The following PXDN variants were observed in gnomAD, a reference collection of about 807,000 sequenced individuals.
PXDN encodes the protein peroxidasin homolog.
PXDN carries 77 observed loss-of-function variants against 140.3 expected under a neutral mutation model. That is an observed-to-expected ratio of 0.55 (90% CI 0.46 to 0.66). PXDN has a LOEUF of 0.66. Ranked by LOEUF, PXDN falls within the 30% of genes least tolerant of loss-of-function variation. The pLI, the probability that PXDN is intolerant of heterozygous loss-of-function variation, is 0.00. For missense variants in PXDN, 1,838 were observed against 2,039.5 expected (o/e 0.90, Z 1.90); for synonymous variants, 911 against 857.4 (o/e 1.06, Z -1.09).
intron 1 of PXDN, among the ~76,000 whole-genome samples, chr2:1,710,577 C>T (rs1684731247): frequency 6.9e-6 from 1 of 144,710 alleles, no homozygotes; most frequent in East Asian, 2.1e-4. Context: ...GCACCCTCTC[C>T]ACTAGCACCC....
rs552009103 is a variant in PXDN, at chr2:1,649,725, T to G, written c.2105-50A>C. On this transcript the variant is annotated intron_variant, in intron 16 of 22. Coordinates refer to ENST00000252804, the MANE Select transcript of PXDN (RefSeq NM_012293.3). This position sits in a 1 kb window ranked among gnomAD's most constrained non-coding sequence, Gnocchi z 7.1. ...GCACTCAATTCCCCTGGAGGATGTG[T>G]GAGGGCCCGGTACCCCTTGGCACCT... 1 of 1,596,800 alleles carries G rather than the reference T, an allele frequency of 6.3e-7. No homozygotes were observed. Among genetic ancestry groups the G allele is most frequent in the Admixed American group, 1.7e-5 (1 of 59,820 alleles).
rs764019988 is a variant in PXDN, at chr2:1,679,259, GGTGT to G, written c.730+930_730+933del. On this transcript the variant is annotated intron_variant, in intron 7 of 22. Transcript: ENST00000252804. The stretch of plus-strand genomic sequence containing the variant: ...GTGTGTAGATGGCATGTGCGTGTGT[GGTGT>G]GTGTGTGGATTGTATGTGCATGTGT... 4.1e-5 allele frequency among the ~76,000 whole-genome samples: 6 copies of G among 147,724 alleles called. 1 individual carries two copies. The highest frequency in any genetic ancestry group is 1.3e-4 in the African/African-American group (5 of 39,906).
rs1682971910 is a variant in PXDN at position 1,649,775 on chromosome 2, C to A, written c.2105-100G>T. 1.5e-6 allele frequency: 2 copies of A among 1,345,616 alleles called. No individual in the cohort carries two copies. Among genetic ancestry groups the A allele is most frequent in the Non-Finnish European group, 1.0e-6 (1 of 953,344 alleles). The allele number at this position is 1,345,616 out of a possible 1,614,324, so 83.4% of individuals were successfully genotyped here. A position where few individuals can be genotyped will look rare whatever the true frequency, so the allele number is the denominator to read the frequency against. The stretch of plus-strand genomic sequence containing the variant: ...TCTGCCGCTGACATGGGGCTATCTA[C>A]CCCCAGCTCATGAAACCTGTTGTGC... On this transcript the variant is annotated intron_variant, in intron 16 of 22. Coordinates refer to ENST00000252804, the MANE Select transcript of PXDN (RefSeq NM_012293.3). The surrounding 1 kb of genome is among the most constrained non-coding windows in gnomAD (Gnocchi z 7.1).
At chr2:1,637,539 G>A (rs1682594787) in intron 21 of PXDN, among the ~76,000 whole-genome samples, 1 of 150,292 alleles carries the variant, frequency 6.7e-6, no homozygotes. Flanking sequence ...AGGAAGACCT[G>A]CTGCACGCTG....
intron 14 of PXDN, among the ~76,000 whole-genome samples, chr2:1,658,074 CTCTCTCT>C (rs1558494479): frequency 0.025 from 1,942 of 79,128 alleles, 451 homozygotes; most frequent in African/African-American, 0.046. Flanking sequence ...CTCTCTCTCT[CTCTCTCT>C]CTCTCTCTCT....
intron 22 of PXDN, among the ~76,000 whole-genome samples, chr2:1,634,886 G>A (rs1302388229): frequency 1.3e-5 from 2 of 152,170 alleles, no homozygotes; most frequent in African/African-American, 4.8e-5. Flanking sequence ...CACGGAGCCT[G>A]GTTCCAGCCA....
At chr2:1,717,076 T>A (rs906804626) in intron 1 of PXDN, among the ~76,000 whole-genome samples, 5 of 152,326 alleles carry the variant, frequency 3.3e-5, no homozygotes, top group Admixed American at 3.3e-4. Flanking sequence ...GTCTGTATAC[T>A]GATGGGAAGA....
At chr2:1,635,077 G>A (rs1316615836) in intron 22 of PXDN, among the ~76,000 whole-genome samples, 1 of 152,216 alleles carries the variant, frequency 6.6e-6, no homozygotes, top group African/African-American at 2.4e-5. Context: ...CCCATTCATG[G>A]GTTTCCATGG....
In PXDN at chr2:1,635,329, C is replaced by T. The variant is rs1682520873; in HGVS notation, c.4320+79G>A. ...GAGGGGCCTGGCCCTGACATCTGGG[C>T]CACCCACCTGAGTGGTCACATGGGA... On this transcript the variant is annotated intron_variant, in intron 22 of 22. Coordinates refer to ENST00000252804, the MANE Select transcript of PXDN (RefSeq NM_012293.3). 4.7e-6 allele frequency: 6 copies of T among 1,269,474 alleles called. No homozygotes were observed. The South Asian group carries it at 7.7e-5, about 16-fold the overall frequency. The allele number at this position is 1,269,474 out of a possible 1,614,324, so 78.6% of individuals were successfully genotyped here. A position where few individuals can be genotyped will look rare whatever the true frequency, so the allele number is the denominator to read the frequency against.
At chr2:1,715,918 T>A (rs1684883805) in intron 1 of PXDN, among the ~76,000 whole-genome samples, 1 of 152,124 alleles carries the variant, frequency 6.6e-6, no homozygotes, top group East Asian at 1.9e-4. Context: ...GCCCAATGTG[T>A]GCGTATGACA....
Position 1,666,221 on chromosome 2 carries a change from G to C in PXDN, c.1284C>G (p.Ile428Met). Residue 428 changes from isoleucine to methionine, a missense_variant, in exon 10 of 23, where the codon ATC (isoleucine) becomes ATG (methionine). By Grantham distance (10) the Ile-to-Met change is conservative. Coordinates refer to ENST00000252804, the MANE Select transcript of PXDN (RefSeq NM_012293.3). ...IDSVHATAFI[I>M]VQALPQFTVT... The stretch of plus-strand genomic sequence containing the variant: ...CAGAGGATGGATACCCACCCTGGAC[G>C]ATGATGAAAGCGGTGGCATGGACGC... The C allele has an allele frequency of 6.2e-7, 1 of 1,613,794 alleles. No individual in the cohort carries two copies. Among genetic ancestry groups the C allele is most frequent in the African/African-American group, 1.3e-5 (1 of 75,054 alleles).
intron 9 of PXDN, among the ~76,000 whole-genome samples, chr2:1,671,542 C>T (rs1683576425): frequency 6.6e-6 from 1 of 152,070 alleles, no homozygotes; most frequent in Admixed American, 6.6e-5. Context: ...CTGTATTTAT[C>T]TTACAACAAA....
At chr2:1,727,600 C>T (rs931924684) in intron 1 of PXDN, among the ~76,000 whole-genome samples, 24 of 152,120 alleles carry the variant, frequency 1.6e-4, no homozygotes, top group African/African-American at 5.8e-4. Context: ...GTGCATTTTT[C>T]CTCAGCCCTC....
chr2:1,726,256 T>G (rs993949454), intron 1 of PXDN, among the ~76,000 whole-genome samples: 142 of 150,884 alleles, frequency 9.4e-4, no homozygotes, highest in Middle Eastern at 6.8e-3. Context: ...CCATAAAAAA[T>G]GATGAGTTCA....
intron 15 of PXDN, 76 bp from the exon 16 acceptor site, chr2:1,653,861 T>G: frequency 7.2e-7 from 1 of 1,389,484 alleles, no homozygotes. Context: ...CCCCAAAATA[T>G]AATCATTGCT....
rs977048038 is a variant in PXDN, at chr2:1,639,589, G to A, written c.3953-167C>T. 6.6e-6 allele frequency among the ~76,000 whole-genome samples: 1 copy of A among 152,126 alleles called. No individual in the cohort carries two copies. Among genetic ancestry groups the A allele is most frequent in the Non-Finnish European group, 1.5e-5 (1 of 68,030 alleles). ...TGGTCTGCGGCTCTTACCCTCTCCTGGTCTGAGGGGCCAAGCCTCTCTCCA... is the reference window on the plus strand; with the variant it reads ...TGGTCTGCGGCTCTTACCCTCTCCTAGTCTGAGGGGCCAAGCCTCTCTCCA... On this transcript the variant is annotated intron_variant, in intron 19 of 22. Transcript: ENST00000252804. The surrounding 1 kb of genome is among the most constrained non-coding windows in gnomAD (Gnocchi z 5.0).
intron 1 of PXDN, among the ~76,000 whole-genome samples, chr2:1,739,686 A>T (rs538871598): frequency 3.9e-5 from 6 of 152,076 alleles, no homozygotes; most frequent in Admixed American, 1.3e-4. Context: ...TGTCTTGGGG[A>T]TGGGCCCTCT....
intron 1 of PXDN, among the ~76,000 whole-genome samples, chr2:1,719,905 A>G (rs13027326): frequency 1.2e-5 from 1 of 81,758 alleles, no homozygotes; most frequent in Non-Finnish European, 2.5e-5. Context: ...ATTCAGAGAG[A>G]GAGGGAGGGA....
intron 8 of PXDN, among the ~76,000 whole-genome samples, chr2:1,674,130 T>G (rs1157612067): frequency 6.6e-6 from 1 of 152,272 alleles, no homozygotes; most frequent in Non-Finnish European, 1.5e-5. Context: ...AGGAAACATT[T>G]TCTTTCGTTT....
Sources: allele counts gnomAD v4.1 joint callset (sites outside exome capture counted in the v4.1 genomes callset), GRCh38; gene constraint gnomAD v4.1.1; non-coding constraint Gnocchi (gnomAD v3.1); transcripts MANE v1.5; gene names NCBI Gene and HGNC (gene_info 2026-07-23, HGNC 2026-07-21).